SAP30BP: variants seen among roughly 807,000 people sequenced by gnomAD.
The protein encoded by SAP30BP is SAP30 binding protein, also known as SAP30-binding protein.
Under a neutral mutation model 46.3 loss-of-function variants are expected in SAP30BP, and 31 were observed. That is an observed-to-expected ratio of 0.67 (90% CI 0.50 to 0.90). The LOEUF (loss-of-function observed/expected upper bound fraction) is 0.90. Among genes scored for constraint, SAP30BP ranks in the 40% least tolerant of loss-of-function variants. The pLI is 0.00. For missense variants in SAP30BP, 312 were observed against 391.0 expected (o/e 0.80, Z 1.70); for synonymous variants, 169 against 144.2 (o/e 1.17, Z -1.23).
intron 5 of SAP30BP, among the ~76,000 whole-genome samples, chr17:75,702,149 A>G (rs1181796208): frequency 6.6e-6 from 1 of 152,126 alleles, no homozygotes; most frequent in Admixed American, 6.5e-5. Context: ...TAGCTTCCCA[A>G]GTAGCTGGGA....
chr17:75,692,300 T>G (rs2060253330), intron 3 of SAP30BP: 1 of 985,554 alleles, frequency 1.0e-6, no homozygotes, highest in South Asian at 4.7e-5. Flanking sequence ...CATGTCTGTG[T>G]AAGTGGAGCC....
At chr17:75,705,388 C>G (rs568315251) in intron 9 of SAP30BP, 114 of 164,086 alleles carry the variant, frequency 6.9e-4, no homozygotes, top group African/African-American at 2.3e-3. Context: ...CCTCCCACTT[C>G]TGGCTCGGCC....
At chr17:75,703,189 A>T in intron 6 of SAP30BP, 122 bp from the exon 7 acceptor site, 1 of 871,300 alleles carries the variant, frequency 1.1e-6, no homozygotes, top group South Asian at 1.5e-5. Flanking sequence ...AAGCTTGCTT[A>T]GAGCAGCTGA....
At chr17:75,684,663 A>G (rs1226469013) in intron 3 of SAP30BP, 1 of 152,216 alleles carries the variant, frequency 6.6e-6, no homozygotes, top group African/African-American at 2.4e-5. Flanking sequence ...TGCCTTGCAC[A>G]GCTGGGAGAC....
At chr17:75,684,578 C>G (rs952423966) in intron 3 of SAP30BP, 1 of 152,186 alleles carries the variant, frequency 6.6e-6, no homozygotes, top group African/African-American at 2.4e-5. Flanking sequence ...CCCAAGCCTA[C>G]GTAGCATTCG....
At chr17:75,698,157 A>G (rs1038646406) in intron 4 of SAP30BP, among the ~76,000 whole-genome samples, 23 of 152,238 alleles carry the variant, frequency 1.5e-4, no homozygotes, top group Admixed American at 5.2e-4. Context: ...GGGTGGCCCA[A>G]GGCTGCGGGG....
chr17:75,689,428 G>A (rs1409696844), intron 3 of SAP30BP, among the ~76,000 whole-genome samples: 2 of 152,076 alleles, frequency 1.3e-5, no homozygotes, highest in African/African-American at 4.8e-5. Context: ...GAATGAGGGG[G>A]CTGAAGAGGT....
At chr17:75,668,826 TTTGAA>T (rs1171440284) in intron 2 of SAP30BP, among the ~76,000 whole-genome samples, 18 of 152,352 alleles carry the variant, frequency 1.2e-4, no homozygotes, top group African/African-American at 3.8e-4. Context: ...TTTATTAATC[TTTGAA>T]TTGAAATTTG....
intron 3 of SAP30BP, chr17:75,691,951 G>A (rs2060248817): frequency 6.3e-6 from 1 of 159,730 alleles, no homozygotes; most frequent in Admixed American, 5.8e-5. Context: ...ATTTATGACT[G>A]CGGCAGTCTC....
rs1344065234 is a variant in SAP30BP, at chr17:75,667,458, A to G, written c.86A>G (p.Glu29Gly). Residue 29 changes from glutamate (E) to glycine (G), a missense_variant, in exon 1 of 11, where the codon GAG becomes GGG. By Grantham distance (98) the Glu-to-Gly change is moderately conservative. Coordinates refer to ENST00000584667, the MANE Select transcript of SAP30BP (RefSeq NM_013260.8). ...GAGTCTGATGGCGAGGCTGGAATCG[A>G]GGCGGTGGGCAGCGCGGCTGGTAAG... is the stretch of plus-strand genomic sequence containing the variant. ...EPESDGEAGI[E>G]AVGSAAEEKG... The G allele has an allele frequency of 6.2e-7, 1 of 1,614,150 alleles. No individual in the cohort carries two copies. The highest frequency in any genetic ancestry group is 1.7e-5 in the Admixed American group (1 of 60,020).
chr17:75,701,662 C>A (rs770521081), intron 5 of SAP30BP, among the ~76,000 whole-genome samples: 1 of 152,250 alleles, frequency 6.6e-6, no homozygotes, highest in Non-Finnish European at 1.5e-5. Flanking sequence ...TTTGCAAGAC[C>A]GAATCCAAAA....
chr17:75,704,771 T>C lies in SAP30BP; in HGVS notation c.617T>C (p.Ile206Thr). The C allele has an allele frequency of 1.2e-6, 2 of 1,613,478 alleles. 1 individual carries two copies. Among genetic ancestry groups the C allele is most frequent in the South Asian group, 2.2e-5 (2 of 91,042 alleles). ...YYEALAKAQK[I>T]EMDKLEKAKK... ...GTCTTCATAGCCAAGGCCCAGAAAATTGAGATGGACAAATTGGAAAAGGCC... is the reference window on the plus strand; with the variant it reads ...GTCTTCATAGCCAAGGCCCAGAAAACTGAGATGGACAAATTGGAAAAGGCC... The change falls in exon 9 of 11, where the codon ATT (isoleucine) becomes ACT (threonine). Residue 206 changes from isoleucine (I) to threonine (T), a missense_variant. Coordinates refer to ENST00000584667, the MANE Select transcript of SAP30BP (RefSeq NM_013260.8).
At chr17:75,696,040 A>C (rs2060312705) in intron 4 of SAP30BP, among the ~76,000 whole-genome samples, 1 of 152,200 alleles carries the variant, frequency 6.6e-6, no homozygotes, top group South Asian at 2.1e-4. Context: ...CCTCCCTGGC[A>C]GCTGTGGGTA....
At chr17:75,674,816 C>G (rs1026319622) in intron 3 of SAP30BP, among the ~76,000 whole-genome samples, 1 of 150,512 alleles carries the variant, frequency 6.6e-6, no homozygotes, top group Non-Finnish European at 1.5e-5. Flanking sequence ...ATCCTCCCAC[C>G]TCAGCCTCCC....
intron 2 of SAP30BP, among the ~76,000 whole-genome samples, chr17:75,670,141 G>A (rs2059886917): frequency 6.6e-6 from 1 of 151,996 alleles, no homozygotes; most frequent in African/African-American, 2.4e-5. Context: ...GGCCAACATG[G>A]TGAAACCCCA....
intron 1 of SAP30BP, 129 bp downstream of exon 1, chr17:75,667,607 T>C: frequency 1.3e-6 from 1 of 763,896 alleles, no homozygotes; most frequent in Non-Finnish European, 2.1e-6. Flanking sequence ...TGGTCCAGGG[T>C]CCGGGGTGAG....
rs139608518 is a variant in SAP30BP at position 75,693,478 on chromosome 17, C to A, written c.303C>A (p.Leu101=). 6.2e-7 allele frequency: 1 copy of A among 1,613,730 alleles called. No individual in the cohort carries two copies. Among genetic ancestry groups the A allele is most frequent in the East Asian group, 2.2e-5 (1 of 44,894 alleles). The part of the protein sequence containing the change: ...TEAEKRDPQE[L]VASFSERVRN... ...CAGAAAAGCGAGACCCCCAGGAACT[C>A]GTGGGTGAGTATTGGGGGATCCTGG... Residue 101 remains leucine, a synonymous_variant, in exon 4 of 11, where the codon CTC becomes CTA. Coordinates refer to ENST00000584667, the MANE Select transcript of SAP30BP (RefSeq NM_013260.8).
At chr17:75,704,137 G>T (rs1243706601) in intron 8 of SAP30BP, among the ~76,000 whole-genome samples, 1 of 152,212 alleles carries the variant, frequency 6.6e-6, no homozygotes, top group Non-Finnish European at 1.5e-5. Context: ...GGCAAGCAGG[G>T]TCATCTAATC....
intron 3 of SAP30BP, among the ~76,000 whole-genome samples, chr17:75,676,063 C>T (rs2059985971): frequency 6.6e-6 from 1 of 152,220 alleles, no homozygotes; most frequent in Non-Finnish European, 1.5e-5. Flanking sequence ...TGGCTGGGTA[C>T]ATATAACTGC....
Sources: allele counts gnomAD v4.1 joint callset (sites outside exome capture counted in the v4.1 genomes callset), GRCh38; gene constraint gnomAD v4.1.1; transcripts MANE v1.5; gene names NCBI Gene and HGNC (gene_info 2026-07-23, HGNC 2026-07-21).